Variants in ARK2C observed in about 807,000 individuals in gnomAD.
The protein encoded by ARK2C is E3 ubiquitin-protein ligase ARK2C.
the ARK2C span, chr18:46,336,855 T>C: frequency 1.0e-6 from 1 of 985,372 alleles, no homozygotes; most frequent in Non-Finnish European, 1.2e-6. Flanking sequence ...TGCACTTAGT[T>C]GGAGGCAAAA....
At chr18:46,417,325 A>T in the ARK2C span, among the ~76,000 whole-genome samples, 1 of 152,172 alleles carries the variant, frequency 6.6e-6, no homozygotes, top group Non-Finnish European at 1.5e-5. Flanking sequence ...AGTCAAAGGC[A>T]ACATCCTGTA....
At chr18:46,423,944 T>C in the ARK2C span, among the ~76,000 whole-genome samples, 3 of 152,358 alleles carry the variant, frequency 2.0e-5, no homozygotes, top group African/African-American at 7.2e-5. Context: ...CCTCTTTCTT[T>C]TCCTCTTTTA....
the ARK2C span, among the ~76,000 whole-genome samples, chr18:46,439,187 G>A: frequency 2.2e-4 from 34 of 152,360 alleles, no homozygotes; most frequent in East Asian, 2.3e-3. Context: ...TCTCATGAGC[G>A]TAACCCAGGT....
chr18:46,426,870 A>C, the ARK2C span, among the ~76,000 whole-genome samples: 1 of 152,254 alleles, frequency 6.6e-6, no homozygotes, highest in African/African-American at 2.4e-5. Flanking sequence ...AACTTGAAGG[A>C]GTAACTCTAA....
At chr18:46,450,235 T>A in the ARK2C span, 1 of 1,072,588 alleles carries the variant, frequency 9.3e-7, no homozygotes, top group Non-Finnish European at 1.5e-6. Context: ...AGAAGTTGCA[T>A]GCTGGGCTCA....
the ARK2C span, among the ~76,000 whole-genome samples, chr18:46,340,703 G>A: frequency 5.9e-5 from 9 of 152,218 alleles, no homozygotes; most frequent in African/African-American, 2.2e-4. Flanking sequence ...AACAATGACT[G>A]ATGACTGCCA....
chr18:46,374,085 C>G, the ARK2C span, among the ~76,000 whole-genome samples: 1 of 152,186 alleles, frequency 6.6e-6, no homozygotes, highest in African/African-American at 2.4e-5. Context: ...CCCTGTCCCC[C>G]ACCTCCCCTC....
At chr18:46,365,613 C>T in the ARK2C span, among the ~76,000 whole-genome samples, 1 of 152,222 alleles carries the variant, frequency 6.6e-6, no homozygotes, top group African/African-American at 2.4e-5. Context: ...AGGCGATTCT[C>T]ATGCCTCAGC....
chr18:46,417,772 G>A, the ARK2C span, among the ~76,000 whole-genome samples: 2,680 of 152,314 alleles, frequency 0.018, 41 homozygotes, highest in Non-Finnish European at 0.029. Flanking sequence ...GAGAGGCCGA[G>A]GCAGGTGGAT....
At chr18:46,435,899 G>C in the ARK2C span, among the ~76,000 whole-genome samples, 1 of 152,228 alleles carries the variant, frequency 6.6e-6, no homozygotes. Flanking sequence ...GGCAAAGCCA[G>C]CCAGGTCAGA....
At chr18:46,401,372 A>T in the ARK2C span, among the ~76,000 whole-genome samples, 2 of 152,102 alleles carry the variant, frequency 1.3e-5, no homozygotes, top group African/African-American at 4.8e-5. Context: ...AGTCAGGGAC[A>T]TTTTTTCTTA....
chr18:46,417,724 C>T, the ARK2C span, among the ~76,000 whole-genome samples: 2 of 152,156 alleles, frequency 1.3e-5, no homozygotes, highest in African/African-American at 4.8e-5. Flanking sequence ...AACATAAGGC[C>T]GGGAGCGGTG....
chr18:46,403,391 C>CCCCCGTCT, the ARK2C span, among the ~76,000 whole-genome samples: 1 of 152,240 alleles, frequency 6.6e-6, no homozygotes, highest in South Asian at 2.1e-4. Flanking sequence ...CCCTCCCTGC[C>CCCCCGTCT]CCCCGTCTCC....
chr18:46,434,905 G>A, the ARK2C span, among the ~76,000 whole-genome samples: 1 of 152,136 alleles, frequency 6.6e-6, no homozygotes, highest in African/African-American at 2.4e-5. Context: ...CATGATGGGA[G>A]TAGAGGGGTG....
At chr18:46,373,740 G>T in the ARK2C span, among the ~76,000 whole-genome samples, 2 of 152,276 alleles carry the variant, frequency 1.3e-5, no homozygotes, top group African/African-American at 4.8e-5. Context: ...CTGCAGGTGT[G>T]GGGGGAATTG....
At chr18:46,395,034 T>C in the ARK2C span, among the ~76,000 whole-genome samples, 1 of 152,148 alleles carries the variant, frequency 6.6e-6, no homozygotes. Flanking sequence ...TGCCAGAAAC[T>C]CAGAAGTGTC....
At chr18:46,349,611 C>T in the ARK2C span, among the ~76,000 whole-genome samples, 1 of 152,230 alleles carries the variant, frequency 6.6e-6, no homozygotes, top group Admixed American at 6.5e-5. Context: ...CCAGGGGAAG[C>T]TGCCAGTGGT....
chr18:46,452,292 T>C, the ARK2C span, among the ~76,000 whole-genome samples: 1 of 152,224 alleles, frequency 6.6e-6, no homozygotes, highest in Non-Finnish European at 1.5e-5. Flanking sequence ...ATTGTTATTA[T>C]TTTTTGAGAC....
chr18:46,440,548 CAT>C, the ARK2C span, among the ~76,000 whole-genome samples: 1 of 152,178 alleles, frequency 6.6e-6, no homozygotes, highest in African/African-American at 2.4e-5. Context: ...ATCCAGGCAT[CAT>C]ATTATTTCAT....
Sources: gnomAD v4.1 joint callset for allele counts (sites outside exome capture counted in the v4.1 genomes callset) on GRCh38, gnomAD v4.1.1 for gene constraint, MANE v1.5 for transcripts, NCBI Gene and HGNC (gene_info 2026-07-23, HGNC 2026-07-21) for gene names.